The following KIT variants were observed in gnomAD, a reference collection of about 807,000 sequenced individuals.
KIT encodes mast/stem cell growth factor receptor Kit.
In KIT, 16 loss-of-function variants were observed where a neutral mutation model predicts 105.7. That is an observed-to-expected ratio of 0.15 (90% CI 0.10 to 0.23). The LOEUF (loss-of-function observed/expected upper bound fraction) is 0.23. KIT is among the 10% of genes least tolerant of loss of function. KIT has a pLI of 1.00. For synonymous variants in KIT, 438 were observed against 441.1 expected (o/e 0.99, Z 0.09); for missense variants, 858 against 1,213.8 (o/e 0.71, Z 4.36).
chr4:54,712,705 A>G (rs567365116), intron 7 of KIT, among the ~76,000 whole-genome samples: 1 of 152,324 alleles, frequency 6.6e-6, no homozygotes, highest in East Asian at 1.9e-4. Flanking sequence ...ATATGTTGTT[A>G]GCCTTCCAAA....
rs1720331364 is a variant in KIT at position 54,699,711 on chromosome 4, C to T, written c.701C>T (p.Thr234Ile). 1 of 1,613,762 alleles carries T rather than the reference C, an allele frequency of 6.2e-7. No homozygotes were observed. Among genetic ancestry groups the T allele is most frequent in the South Asian group, 1.1e-5 (1 of 91,080 alleles). The change falls in exon 4 of 21, where the codon ACA becomes ATA. Residue 234 changes from threonine (T) to isoleucine (I), a missense_variant. By Grantham distance (89) the Thr-to-Ile change is moderately conservative. Coordinates refer to ENST00000288135, the MANE Select transcript of KIT (RefSeq NM_000222.3). The part of the protein sequence containing the change: ...REGEEFTVTC[T>I]IKDVSSSVYS... ...GGGGAAGAATTCACAGTGACGTGCACAATAAAAGATGTGTCTAGTTCTGTG... is the reference window on the plus strand; with the variant it reads ...GGGGAAGAATTCACAGTGACGTGCATAATAAAAGATGTGTCTAGTTCTGTG...
chr4:54,697,848 T>C (rs150439830), intron 2 of KIT, among the ~76,000 whole-genome samples: 154 of 152,290 alleles, frequency 1.0e-3, no homozygotes, highest in African/African-American at 3.5e-3. Flanking sequence ...CACTGGCTTA[T>C]TGGCAGATGA....
intron 2 of KIT, 129 bp downstream of exon 2, chr4:54,695,910 C>A: frequency 9.7e-7 from 1 of 1,027,026 alleles, no homozygotes; most frequent in Non-Finnish European, 1.5e-6. Context: ...GCCTAAAACA[C>A]ATGTTTCTTC....
rs975862420 is a variant in KIT, at chr4:54,698,188, C to T, written c.338-96C>T. On this transcript the variant is annotated intron_variant, in intron 2 of 20. Transcript: ENST00000288135. ...CAGAAAAAAGCAGCCATTTGGGCCA[C>T]TAGTCATGAAAGGCAACATATTAGA... 2.0e-5 allele frequency: 26 copies of T among 1,276,230 alleles called. No homozygotes were observed. The African/African-American group carries it at 3.2e-4, about 16-fold the overall frequency. 79.1% of individuals were successfully genotyped at this position (1,276,230 alleles called of 1,614,324 possible). A position where few individuals can be genotyped will look rare whatever the true frequency, so the allele number is the denominator to read the frequency against.
At chr4:54,685,456 T>A (rs560862697) in intron 1 of KIT, among the ~76,000 whole-genome samples, 5 of 152,346 alleles carry the variant, frequency 3.3e-5, no homozygotes, top group Non-Finnish European at 7.4e-5. Context: ...CAGGCTCACC[T>A]GGCATAAAGC....
At chr4:54,726,080 G>T in intron 9 of KIT, 30 bp downstream of exon 9, 1 of 1,557,060 alleles carries the variant, frequency 6.4e-7, no homozygotes, top group Non-Finnish European at 8.9e-7. Flanking sequence ...AATTTAAGGG[G>T]ATGTTTAGGC....
chr4:54,726,205 C>T (rs1396642045), intron 9 of KIT, among the ~76,000 whole-genome samples, 155 bp downstream of exon 9: 3 of 152,142 alleles, frequency 2.0e-5, no homozygotes, highest in Admixed American at 2.0e-4. Flanking sequence ...TCATTTTGTA[C>T]TAGCTTGTTA....
chr4:54,727,100 G>C (rs1419377225), intron 9 of KIT, 118 bp from the exon 10 acceptor site: 1 of 831,394 alleles, frequency 1.2e-6, no homozygotes, highest in Non-Finnish European at 2.1e-6. Context: ...GACTCACATA[G>C]CTTTGCATCC....
chr4:54,729,914 G>A (rs1722483137), intron 14 of KIT, among the ~76,000 whole-genome samples: 2 of 152,270 alleles, frequency 1.3e-5, no homozygotes, highest in Non-Finnish European at 2.9e-5. Context: ...GAATGACAAA[G>A]AGCTCTGAAC....
chr4:54,709,555 G>A lies in KIT; in HGVS notation c.1231+16G>A. ...TATGTGAATAGTAAGTAACATGAAGGGCTCCTTTTAATTTTTTATTCTTTT... is the reference window on the plus strand; with the variant it reads ...TATGTGAATAGTAAGTAACATGAAGAGCTCCTTTTAATTTTTTATTCTTTT... On this transcript the variant is annotated intron_variant, in intron 7 of 20. Transcript: ENST00000288135. 1 of 1,463,332 alleles carries A rather than the reference G, an allele frequency of 6.8e-7. No individual in the cohort carries two copies. Among genetic ancestry groups the A allele is most frequent in the Non-Finnish European group, 9.6e-7 (1 of 1,042,568 alleles). 90.6% of individuals were successfully genotyped at this position (1,463,332 alleles called of 1,614,324 possible). A position where few individuals can be genotyped will look rare whatever the true frequency, so the allele number is the denominator to read the frequency against.
intron 4 of KIT, among the ~76,000 whole-genome samples, chr4:54,703,322 A>G (rs1026287717): frequency 1.3e-5 from 2 of 152,178 alleles, no homozygotes; most frequent in Admixed American, 6.5e-5. Context: ...GTTATTAGCA[A>G]TGTGTTCGCT....
intron 7 of KIT, among the ~76,000 whole-genome samples, chr4:54,719,546 G>T (rs1486740168): frequency 6.9e-6 from 1 of 144,644 alleles, no homozygotes; most frequent in Non-Finnish European, 1.5e-5. Context: ...TCAGGTCCAT[G>T]ATGTTTTTAA....
intron 6 of KIT, among the ~76,000 whole-genome samples, chr4:54,708,626 C>T (rs1025464600): frequency 3.9e-5 from 6 of 152,080 alleles, no homozygotes; most frequent in Admixed American, 1.3e-4. Flanking sequence ...GAGAACCCTG[C>T]GCTGGAAGTA....
chr4:54,694,374 CAG>C (rs557825885), intron 1 of KIT, among the ~76,000 whole-genome samples: 7 of 152,228 alleles, frequency 4.6e-5, no homozygotes, highest in Admixed American at 1.3e-4. Context: ...TTTAGAGAGA[CAG>C]AGTCTTACTC....
intron 1 of KIT, among the ~76,000 whole-genome samples, chr4:54,665,008 A>G (rs1228181222): frequency 6.6e-6 from 1 of 152,042 alleles, no homozygotes; most frequent in African/African-American, 2.4e-5. Flanking sequence ...TTCATCTTGC[A>G]AAACTGAAAT....
intron 7 of KIT, among the ~76,000 whole-genome samples, chr4:54,716,590 G>A (rs1465648973): frequency 6.6e-6 from 1 of 151,990 alleles, no homozygotes; most frequent in Non-Finnish European, 1.5e-5. Context: ...CAAAAGCATT[G>A]TGAATATCTT....
At chr4:54,708,037 C>G (rs1375885727) in intron 6 of KIT, among the ~76,000 whole-genome samples, 6 of 152,106 alleles carry the variant, frequency 3.9e-5, no homozygotes, top group Non-Finnish European at 7.4e-5. Flanking sequence ...TGATAGCGTC[C>G]TGGGCCAAGG....
chr4:54,682,717 A>T (rs1463598250), intron 1 of KIT, among the ~76,000 whole-genome samples: 2 of 150,088 alleles, frequency 1.3e-5, no homozygotes, highest in African/African-American at 4.9e-5. Context: ...GATGTGAGCC[A>T]CTGCGCCCGG....
At chr4:54,704,907 AT>A (rs1215763271) in intron 5 of KIT, among the ~76,000 whole-genome samples, 1 of 152,222 alleles carries the variant, frequency 6.6e-6, no homozygotes, top group African/African-American at 2.4e-5. Flanking sequence ...TTATCCCACA[AT>A]AATCTCGTAA....
Sources: allele counts gnomAD v4.1 joint callset (sites outside exome capture counted in the v4.1 genomes callset), GRCh38; gene constraint gnomAD v4.1.1; transcripts MANE v1.5; gene names NCBI Gene and HGNC (gene_info 2026-07-23, HGNC 2026-07-21).